RAB11FIP5: variants seen among roughly 807,000 people sequenced by gnomAD.
The protein encoded by RAB11FIP5 is RAB11 family interacting protein 5, also known as rab11 family-interacting protein 5.
A neutral mutation model predicts 85.1 loss-of-function variants in RAB11FIP5; 48 were observed. The observed-to-expected ratio is 0.56, with a 90% CI of 0.45 to 0.72. RAB11FIP5 has a LOEUF of 0.72. Among genes scored for constraint, RAB11FIP5 ranks in the 30% least tolerant of loss-of-function variants. The probability of loss-of-function intolerance (pLI) is 0.00; values close to 1 mark genes in which losing one functional copy is unlikely to be tolerated. For synonymous variants in RAB11FIP5, 729 were observed against 727.3 expected (o/e 1.00, Z -0.04); for missense variants, 1,491 against 1,687.0 (o/e 0.88, Z 2.04).
rs774481458 is a variant in RAB11FIP5, at chr2:73,075,489, T to C, written c.*32A>G. The C allele has an allele frequency of 1.9e-6, 3 of 1,606,738 alleles. No individual in the cohort carries two copies. The highest frequency in any genetic ancestry group is 1.1e-5 in the South Asian group (1 of 90,936). On this transcript the variant is annotated 3_prime_UTR_variant, in exon 6 of 6. Transcript: ENST00000486777. The surrounding 1 kb of genome is among the most constrained non-coding windows in gnomAD (Gnocchi z 4.6). ...GAGAGGGCAGGCAGCAATAGGTCCA[T>C]GCCAACCCTCCTGGGGGTAGGGTGA...
rs1441362779 is a variant in RAB11FIP5 at position 73,086,846 on chromosome 2, G to C, written c.1568+1204C>G. ...AAGCAAGGGAGGCAAGGGGTGGCATGCCCCTGAAACTGATCCACCCCCCCA... is the reference window on the plus strand; with the variant it reads ...AAGCAAGGGAGGCAAGGGGTGGCATCCCCCTGAAACTGATCCACCCCCCCA... On this transcript the variant is annotated intron_variant, in intron 3 of 5. Transcript: ENST00000486777. This position sits in a 1 kb window ranked among gnomAD's most constrained non-coding sequence, Gnocchi z 4.4. Among the ~76,000 whole-genome samples the C allele has an allele frequency of 6.6e-6, 1 of 152,088 alleles. No individual in the cohort carries two copies. Among genetic ancestry groups the C allele is most frequent in the Non-Finnish European group, 1.5e-5 (1 of 68,024 alleles).
intron 1 of RAB11FIP5, among the ~76,000 whole-genome samples, chr2:73,106,487 C>T (rs1684528520): frequency 6.6e-6 from 1 of 151,892 alleles, no homozygotes; most frequent in Non-Finnish European, 1.5e-5. Flanking sequence ...CCAGGCTTCC[C>T]CCCCTTTGGA....
intron 1 of RAB11FIP5, 125 bp downstream of exon 1, chr2:73,112,222 G>C: frequency 8.8e-7 from 1 of 1,136,168 alleles, no homozygotes; most frequent in Non-Finnish European, 1.2e-6. Flanking sequence ...CGTTTCTGTC[G>C]GTTTACGCCC....
At chr2:73,079,346 C>G (rs1683922130) in intron 4 of RAB11FIP5, among the ~76,000 whole-genome samples, 1 of 152,162 alleles carries the variant, frequency 6.6e-6, no homozygotes, top group Non-Finnish European at 1.5e-5. Context: ...TCCTTCCCTG[C>G]CAGCCCACAT....
intron 1 of RAB11FIP5, among the ~76,000 whole-genome samples, chr2:73,108,292 G>C (rs2106125836): frequency 6.6e-6 from 1 of 152,306 alleles, no homozygotes; most frequent in East Asian, 1.9e-4. Flanking sequence ...TTTCCCAAGA[G>C]GCCAGCTTCT....
chr2:73,100,724 C>A (rs1684413685), intron 1 of RAB11FIP5, among the ~76,000 whole-genome samples: 1 of 152,060 alleles, frequency 6.6e-6, no homozygotes, highest in African/African-American at 2.4e-5. Context: ...CCATGCCCGG[C>A]CCCAGACTGA....
At chr2:73,108,279 T>C (rs1173797492) in intron 1 of RAB11FIP5, among the ~76,000 whole-genome samples, 3 of 152,240 alleles carry the variant, frequency 2.0e-5, no homozygotes, top group Non-Finnish European at 4.4e-5. Flanking sequence ...CCACAGCCTT[T>C]GCTTTCCCAA....
intron 1 of RAB11FIP5, among the ~76,000 whole-genome samples, chr2:73,093,251 G>A (rs909961536): frequency 6.6e-6 from 1 of 152,172 alleles, no homozygotes; most frequent in African/African-American, 2.4e-5. Flanking sequence ...CCTAGTTCAA[G>A]TCCCACTCCT....
At chr2:73,100,178 G>A (rs1684400297) in intron 1 of RAB11FIP5, among the ~76,000 whole-genome samples, 1 of 152,114 alleles carries the variant, frequency 6.6e-6, no homozygotes, top group Non-Finnish European at 1.5e-5. Context: ...CCTCTAGACA[G>A]GCATGCTACT....
chr2:73,079,766 G>A lies in RAB11FIP5; in HGVS notation c.3466C>T (p.Pro1156Ser), dbSNP rs147920788. The change falls in exon 4 of 6, where the codon CCT (proline) becomes TCT (serine). Residue 1156 changes from proline to serine, a missense_variant. Coordinates refer to ENST00000486777, the MANE Select transcript of RAB11FIP5 (RefSeq NM_001371272.1). ...CTAAGTAGGGCAGGGGAGCCCCCAG[G>A]TGGGGAGGGCTCATGGGGGCCAGGG... ...LLPGPHEPSP[P>S]GGSPALLRED... 2.4e-3 allele frequency: 2,910 copies of A among 1,232,540 alleles called. 42 individuals carry two copies. In the African/African-American group the frequency reaches 0.037, roughly 16 times the overall value. The allele number at this position is 1,232,540 out of a possible 1,614,324, so 76.4% of individuals were successfully genotyped here.
chr2:73,096,651 T>A (rs1289280592), intron 1 of RAB11FIP5, among the ~76,000 whole-genome samples: 1 of 152,114 alleles, frequency 6.6e-6, no homozygotes, highest in Non-Finnish European at 1.5e-5. Flanking sequence ...GAACTCACTC[T>A]CTCACCACTG....
chr2:73,076,000 C>T lies in RAB11FIP5; in HGVS notation c.3764G>A (p.Arg1255Lys). The change falls in exon 5 of 6, where the codon AGG (arginine) becomes AAG (lysine). Residue 1255 changes from arginine (R) to lysine (K), a missense_variant. Arg to Lys is a conservative substitution (Grantham distance 26, BLOSUM62 2). Transcript: ENST00000486777. The surrounding 1 kb of genome is among the most constrained non-coding windows in gnomAD (Gnocchi z 4.6). ...CACCCTGCTGGGCCTTACCTTCAGC[C>T]TTTTGGTGTCCACCATCTGGCCAGC... ...PQAGQMVDTK[R>K]LKDSAVLDQS... 6.2e-7 allele frequency: 1 copy of T among 1,613,008 alleles called. No individual in the cohort carries two copies. Among genetic ancestry groups the T allele is most frequent in the Non-Finnish European group, 8.5e-7 (1 of 1,179,146 alleles).
chr2:73,077,137 G>A (rs1032509100), intron 4 of RAB11FIP5, among the ~76,000 whole-genome samples: 10 of 152,124 alleles, frequency 6.6e-5, no homozygotes, highest in Non-Finnish European at 1.0e-4. Context: ...AGAGCTCACT[G>A]CCTGGACTCT....
At chr2:73,094,842 G>A (rs1375497984) in intron 1 of RAB11FIP5, among the ~76,000 whole-genome samples, 1 of 152,098 alleles carries the variant, frequency 6.6e-6, no homozygotes, top group Non-Finnish European at 1.5e-5. Context: ...GAGGGGGTAA[G>A]TTACCAAAGG....
intron 1 of RAB11FIP5, among the ~76,000 whole-genome samples, chr2:73,090,051 C>T (rs141946060): frequency 3.3e-5 from 5 of 152,256 alleles, no homozygotes; most frequent in Middle Eastern, 3.4e-3. Context: ...TGGTGCATTA[C>T]GACCAGCATG....
chr2:73,099,011 T>C (rs1684378304), intron 1 of RAB11FIP5, among the ~76,000 whole-genome samples: 1 of 152,142 alleles, frequency 6.6e-6, no homozygotes, highest in Non-Finnish European at 1.5e-5. Context: ...AGCACTTATG[T>C]TTCTTTAGTA....
rs764830630 is a variant in RAB11FIP5, at chr2:73,112,633, G to A, written c.145C>T (p.Gln49Ter). ...GTACTGTACTTCTCGCGGCCCACCT[G>A]GATCACCGTGTACGCGTCGCTGGTG... ...GSTSDAYTVI[Q>*]VGREKYSTSV... The change falls in exon 1 of 6, where the codon CAG becomes TAG. Residue 49 changes from glutamine to a stop codon, truncating the protein, a stop_gained. Coordinates refer to ENST00000486777, the MANE Select transcript of RAB11FIP5 (RefSeq NM_001371272.1). LOFTEE classifies it high-confidence loss of function. The A allele has an allele frequency of 1.2e-5, 20 of 1,601,948 alleles. No individual in the cohort carries two copies. The highest frequency in any genetic ancestry group is 1.6e-5 in the Non-Finnish European group (19 of 1,175,620).
At chr2:73,105,687 A>T (rs1351300087) in intron 1 of RAB11FIP5, among the ~76,000 whole-genome samples, 1 of 151,962 alleles carries the variant, frequency 6.6e-6, no homozygotes, top group African/African-American at 2.4e-5. Flanking sequence ...CACCCAGGAG[A>T]AGCAGGTCAT....
At position 73,083,070 on chromosome 2, in the gene RAB11FIP5, G is replaced by A. The variant is rs141845556; in HGVS notation, c.1569-1407C>T. On this transcript the variant is annotated intron_variant, in intron 3 of 5. Transcript: ENST00000486777. Reference sequence around the variant, plus strand: ...ATCCTGGGGAAACCCCTACACATCCGACTTTTCAAGCCAACCAGCTTCTTG... The same window carrying A: ...ATCCTGGGGAAACCCCTACACATCCAACTTTTCAAGCCAACCAGCTTCTTG... Among the ~76,000 whole-genome samples, 12 of 152,312 alleles carry A rather than the reference G, an allele frequency of 7.9e-5. No individual in the cohort carries two copies. The East Asian group carries it at 1.4e-3, about 17-fold the overall frequency.
Sources: allele counts gnomAD v4.1 joint callset (sites outside exome capture counted in the v4.1 genomes callset), GRCh38; gene constraint gnomAD v4.1.1; non-coding constraint Gnocchi (gnomAD v3.1); transcripts MANE v1.5; gene names NCBI Gene and HGNC (gene_info 2026-07-23, HGNC 2026-07-21).